ITSN2: variants seen among roughly 807,000 people sequenced by gnomAD.
ITSN2 encodes intersectin 2.
ITSN2 carries 156 observed loss-of-function variants against 243.7 expected under a neutral mutation model. That is an observed-to-expected ratio of 0.64 (90% CI 0.56 to 0.73). The LOEUF (loss-of-function observed/expected upper bound fraction) is 0.73. ITSN2 is among the 30% of genes least tolerant of loss of function. ITSN2 has a pLI of 0.00. For missense variants in ITSN2, 1,801 were observed against 1,996.1 expected, an observed-to-expected ratio of 0.90 and a Z score of 1.86; for synonymous variants, 703 against 699.9, an observed-to-expected ratio of 1.00 and a Z score of -0.07.
Position 24,315,244 on chromosome 2 carries a change from A to C in ITSN2, c.32-20T>G, listed in dbSNP as rs1683766064. 7.2e-7 allele frequency: 1 copy of C among 1,397,286 alleles called. No individual in the cohort carries two copies. 86.6% of individuals were successfully genotyped at this position (1,397,286 alleles called of 1,614,324 possible). On this transcript the variant is annotated intron_variant, in intron 2 of 39. Coordinates refer to ENST00000355123, the MANE Select transcript of ITSN2 (RefSeq NM_006277.3). The stretch of plus-strand genomic sequence containing the variant: ...GCCCTCCTGAAACATAAGTGGAAGA[A>C]ACTATAGTGTATACATGAGAATGCT...
At chr2:24,261,308 C>A in intron 21 of ITSN2, 58 bp from the exon 22 acceptor site, 1 of 1,275,360 alleles carries the variant, frequency 7.8e-7, no homozygotes, top group Admixed American at 2.0e-5. Flanking sequence ...TAATGAAGTA[C>A]TACCAATTTA....
At chr2:24,227,964 C>T (rs1287288398) in intron 29 of ITSN2, among the ~76,000 whole-genome samples, 2 of 152,082 alleles carry the variant, frequency 1.3e-5, no homozygotes, top group African/African-American at 4.8e-5. Context: ...GCCCAACATA[C>T]ATCTGACAGG....
intron 1 of ITSN2, among the ~76,000 whole-genome samples, chr2:24,353,037 T>C (rs562515470): frequency 1.3e-5 from 2 of 152,298 alleles, no homozygotes; most frequent in South Asian, 2.1e-4. Flanking sequence ...AAGACAACTT[T>C]TAAGTTTTGA....
intron 20 of ITSN2, among the ~76,000 whole-genome samples, chr2:24,268,974 T>C (rs1047861863): frequency 1.3e-5 from 2 of 152,152 alleles, no homozygotes; most frequent in African/African-American, 4.8e-5. Context: ...CCTGTGCTAT[T>C]GCTAATCTAA....
intron 1 of ITSN2, among the ~76,000 whole-genome samples, chr2:24,343,079 A>T (rs1687195065): frequency 6.6e-6 from 1 of 150,828 alleles, no homozygotes; most frequent in African/African-American, 2.4e-5. Flanking sequence ...TAACAGAGTG[A>T]GACCCCATCT....
intron 1 of ITSN2, among the ~76,000 whole-genome samples, chr2:24,333,443 C>G (rs1229028258): frequency 1.3e-5 from 2 of 152,232 alleles, no homozygotes; most frequent in South Asian, 4.1e-4. Context: ...GCAAGTGCAA[C>G]TGAAGTCAGC....
intron 15 of ITSN2, among the ~76,000 whole-genome samples, chr2:24,291,482 C>T (rs1210269880): frequency 7.4e-6 from 1 of 134,990 alleles, no homozygotes; most frequent in Non-Finnish European, 1.5e-5. Context: ...CATATTTCTT[C>T]TTCTTCCTTT....
intron 8 of ITSN2, 49 bp from the exon 9 acceptor site, chr2:24,303,911 T>C (rs1421311344): frequency 8.1e-7 from 1 of 1,230,222 alleles, no homozygotes. Context: ...ATCTTTAAAG[T>C]TATGCATAAC....
chr2:24,234,267 C>T (rs1671898528), intron 29 of ITSN2, among the ~76,000 whole-genome samples: 1 of 132,326 alleles, frequency 7.6e-6, no homozygotes, highest in African/African-American at 2.7e-5. Context: ...AACAACTGGC[C>T]ATCCAAATGC....
In ITSN2 at chr2:24,254,424, C is replaced by T; in HGVS notation, c.2896G>A (p.Ala966Thr). ...TTCTTATTTACAGCTGCATACAAAG[C>T]TTCTGGTCTACCAAATATATAAACA... ...GSEVKREEPEALYAAVNKKPT... is the reference protein window; with the variant it reads ...GSEVKREEPETLYAAVNKKPT... Residue 966 changes from alanine to threonine, a missense_variant, in exon 24 of 40, where the codon GCT becomes ACT. Physicochemically the swap from Ala to Thr is moderately conservative, Grantham distance 58. Around this residue, in one of 5 missense-constraint regions of ITSN2, gnomAD observed 928 missense variants for 1,065.4 expected, o/e 0.87. Coordinates refer to ENST00000355123, the MANE Select transcript of ITSN2 (RefSeq NM_006277.3). 1 of 1,608,668 alleles carries T rather than the reference C, an allele frequency of 6.2e-7. No individual in the cohort carries two copies. Among genetic ancestry groups the T allele is most frequent in the Non-Finnish European group, 8.5e-7 (1 of 1,175,484 alleles).
chr2:24,284,990 G>A (rs944983068), intron 16 of ITSN2, 147 bp from the exon 17 acceptor site: 49 of 499,090 alleles, frequency 9.8e-5, no homozygotes, highest in Non-Finnish European at 1.5e-4. Context: ...TCCACCTCCC[G>A]GGTTCAAGCG....
At chr2:24,337,321 T>TATATATAC (rs1210490506) in intron 1 of ITSN2, among the ~76,000 whole-genome samples, 2 of 80,914 alleles carry the variant, frequency 2.5e-5, no homozygotes, top group African/African-American at 5.6e-5. Context: ...ACAAAATATA[T>TATATATAC]ATATATATAT....
intron 13 of ITSN2, among the ~76,000 whole-genome samples, chr2:24,298,375 C>G (rs920246317): frequency 3.9e-5 from 6 of 151,922 alleles, no homozygotes; most frequent in Non-Finnish European, 7.4e-5. Context: ...CCAGGCTGGT[C>G]TTGAACTCCT....
chr2:24,244,135 A>G (rs2151276150), intron 29 of ITSN2, among the ~76,000 whole-genome samples: 1 of 152,362 alleles, frequency 6.6e-6, no homozygotes, highest in South Asian at 2.1e-4. Flanking sequence ...AATAACTAAC[A>G]GATGATATCA....
intron 13 of ITSN2, 26 bp downstream of exon 13, chr2:24,298,639 A>G: frequency 6.3e-7 from 1 of 1,587,744 alleles, no homozygotes; most frequent in Non-Finnish European, 8.5e-7. Context: ...TCATTCAGAT[A>G]AATTTCACTT....
chr2:24,334,583 A>G, intron 1 of ITSN2: 1 of 1,008,150 alleles, frequency 9.9e-7, no homozygotes, highest in Non-Finnish European at 1.5e-6. Flanking sequence ...GCAAAGTGAC[A>G]CAGTACAAGA....
Position 24,203,666 on chromosome 2 carries a change from C to T in ITSN2, c.5054G>A (p.Arg1685His), listed in dbSNP as rs753803177. The change falls in exon 40 of 40, where the codon CGT (arginine) becomes CAT (histidine). Residue 1685 changes from arginine (R) to histidine (H), a missense_variant. Arg to His is a conservative substitution (Grantham distance 29). Around this residue, in one of 5 missense-constraint regions of ITSN2, gnomAD observed 928 missense variants for 1,065.4 expected, o/e 0.87. Coordinates refer to ENST00000355123, the MANE Select transcript of ITSN2 (RefSeq NM_006277.3). Reference sequence around the variant, plus strand: ...TTGCTCAAAAAGCTGCAGGTCAAAACGGACCCAGACCTCCCCGGTGGGGAC... The same window carrying T: ...TTGCTCAAAAAGCTGCAGGTCAAAATGGACCCAGACCTCCCCGGTGGGGAC... ...HEVPTGEVWV[R>H]FDLQLFEQKT... The T allele has an allele frequency of 1.1e-5, 17 of 1,614,014 alleles. No homozygotes were observed. The highest frequency in any genetic ancestry group is 8.8e-5 in the South Asian group (8 of 91,082).
intron 29 of ITSN2, among the ~76,000 whole-genome samples, chr2:24,233,147 C>T (rs1367917055): frequency 6.6e-6 from 1 of 152,128 alleles, no homozygotes; most frequent in Non-Finnish European, 1.5e-5. Flanking sequence ...TTGGGCAATA[C>T]GGGTTTCATA....
chr2:24,231,721 T>G (rs1671618102), intron 29 of ITSN2, among the ~76,000 whole-genome samples: 1 of 152,006 alleles, frequency 6.6e-6, no homozygotes, highest in African/African-American at 2.4e-5. Context: ...TTCCAGGAGG[T>G]AAAGGACAAA....
Sources: gnomAD v4.1 joint callset for allele counts (sites outside exome capture counted in the v4.1 genomes callset) on GRCh38, gnomAD v4.1.1 for gene constraint, gnomAD v4.1.1 regional missense constraint, MANE v1.5 for transcripts, NCBI Gene and HGNC (gene_info 2026-07-23, HGNC 2026-07-21) for gene names.